NLRC5: variants seen among roughly 807,000 people sequenced by gnomAD.
NLRC5 encodes protein NLRC5.
In NLRC5, 114 loss-of-function variants were observed where a neutral mutation model predicts 206.9. That is an observed-to-expected ratio of 0.55 (90% confidence interval 0.47 to 0.64). NLRC5 has a LOEUF of 0.64. Among genes scored for constraint, NLRC5 ranks in the 30% least tolerant of loss-of-function variants. The probability of loss-of-function intolerance (pLI) is 0.00; values close to 1 mark genes in which losing one functional copy is unlikely to be tolerated. For missense variants in NLRC5, 2,008 were observed against 2,305.5 expected, an observed-to-expected ratio of 0.87 and a Z score of 2.64; for synonymous variants, 952 against 962.8, an observed-to-expected ratio of 0.99 and a Z score of 0.21.
Position 57,020,902 on chromosome 16 carries a change from C to T in NLRC5, c.190C>T (p.Gln64Ter). 6.2e-7 allele frequency: 1 copy of T among 1,613,966 alleles called. No individual in the cohort carries two copies. Residue 64 changes from glutamine (Q) to a stop codon, truncating the protein, a stop_gained, in exon 3 of 49, where the codon CAG (glutamine) becomes TAG (stop). Transcript: ENST00000688547. LOFTEE classifies it high-confidence loss of function. ...VILQLNKLHV[Q>*]GSDTWQSFIH... ...CCTGCAACTCAACAAGCTGCATGTC[C>T]AGGGTTCGGACACCTGGCAGTCTTT...
chr16:57,059,195 C>G, intron 29 of NLRC5, 134 bp downstream of exon 29: 1 of 1,558,676 alleles, frequency 6.4e-7, no homozygotes, highest in Non-Finnish European at 8.7e-7. Context: ...CTGCCTTTCT[C>G]TGAATCTCAG....
Position 57,081,005 on chromosome 16 carries a change from G to T in NLRC5, c.5322-93G>T. 5 of 1,162,800 alleles carry T rather than the reference G, an allele frequency of 4.3e-6. No homozygotes were observed. The South Asian group carries it at 6.8e-5, about 16-fold the overall frequency. The allele number at this position is 1,162,800 out of a possible 1,614,324, so 72.0% of individuals were successfully genotyped here. A position where few individuals can be genotyped will look rare whatever the true frequency, so the allele number is the denominator to read the frequency against. ...CTCTCTTGAAAACCCTTGCCCCCACGACTGGCACCCTGCTTTCCCCATTCA... is the reference window on the plus strand; with the variant it reads ...CTCTCTTGAAAACCCTTGCCCCCACTACTGGCACCCTGCTTTCCCCATTCA... On this transcript the variant is annotated intron_variant, in intron 46 of 48. Transcript: ENST00000688547.
At chr16:57,030,174 G>A in intron 10 of NLRC5, 90 bp downstream of exon 10, 2 of 1,082,760 alleles carry the variant, frequency 1.8e-6, no homozygotes, top group South Asian at 2.6e-5. Context: ...CCCCTCGTCT[G>A]CAGGATAAAT....
chr16:57,074,474 C>T (rs1370638185), intron 38 of NLRC5, 126 bp from the exon 39 acceptor site: 3 of 763,426 alleles, frequency 3.9e-6, no homozygotes, highest in South Asian at 3.0e-5. Flanking sequence ...AGAATTTTTA[C>T]ACTGTGTGGA....
chr16:57,029,298 G>A (rs531383466), intron 8 of NLRC5, among the ~76,000 whole-genome samples: 1 of 152,310 alleles, frequency 6.6e-6, no homozygotes, highest in Admixed American at 6.5e-5. Flanking sequence ...CCCAGGCAAG[G>A]CTGGCTTGTG....
chr16:57,020,856 G>A lies in NLRC5; in HGVS notation c.144G>A (p.Leu48=). 1 of 1,613,690 alleles carries A rather than the reference G, an allele frequency of 6.2e-7. No homozygotes were observed. The highest frequency in any genetic ancestry group is 1.3e-5 in the African/African-American group (1 of 74,886). Residue 48 remains leucine (L), a synonymous_variant, in exon 3 of 49, where the codon TTG becomes TTA. Coordinates refer to ENST00000688547, the MANE Select transcript of NLRC5 (RefSeq NM_001384950.1). ...NTDLDSRNET[L]DPEQRVILQL... ...ACCTGGATTCCAGGAACGAGACCTT[G>A]GACCCTGAACAGAGAGTCATCCTGC...
intron 27 of NLRC5, among the ~76,000 whole-genome samples, chr16:57,057,285 A>G (rs2065798786): frequency 2.0e-5 from 3 of 152,308 alleles, no homozygotes; most frequent in Non-Finnish European, 2.9e-5. Flanking sequence ...TTAGCCAGGC[A>G]TAGTGGCACA....
intron 11 of NLRC5, among the ~76,000 whole-genome samples, chr16:57,031,865 G>A (rs1174317559): frequency 1.3e-5 from 2 of 151,614 alleles, no homozygotes; most frequent in African/African-American, 4.9e-5. Context: ...CACTTAAGGA[G>A]TTTAGAGCAC....
chr16:57,015,115 G>A (rs890795684), intron 1 of NLRC5, among the ~76,000 whole-genome samples: 1 of 152,098 alleles, frequency 6.6e-6, no homozygotes, highest in African/African-American at 2.4e-5. Context: ...TTTTATTAGA[G>A]ATGGGGTTTC....
chr16:57,046,538 G>A lies in NLRC5; in HGVS notation c.3249-14G>A. The A allele has an allele frequency of 6.2e-7, 1 of 1,610,392 alleles. No individual in the cohort carries two copies. Among genetic ancestry groups the A allele is most frequent in the Middle Eastern group, 1.7e-4 (1 of 6,040 alleles). ...GTGATCTGAACTTTCCTTTCTAAATGATCCCCCTCCTAGGGATATGTGGGC... is the reference window on the plus strand; with the variant it reads ...GTGATCTGAACTTTCCTTTCTAAATAATCCCCCTCCTAGGGATATGTGGGC... On this transcript the variant is annotated splice_polypyrimidine_tract_variant and intron_variant, in intron 21 of 48. Transcript: ENST00000688547.
intron 17 of NLRC5, 187 bp from the exon 18 acceptor site, chr16:57,041,298 T>C (rs553305816): frequency 1.9e-4 from 108 of 577,006 alleles, no homozygotes; most frequent in Non-Finnish European, 3.1e-4. Context: ...TCTGCCTATA[T>C]GTGACATCCT....
At chr16:57,061,348 T>C (rs1456376019) in intron 30 of NLRC5, 100 bp from the exon 31 acceptor site, 2 of 1,171,810 alleles carry the variant, frequency 1.7e-6, no homozygotes, top group Non-Finnish European at 2.4e-6. Flanking sequence ...CCCTCAGAGG[T>C]GGGATGCTCC....
chr16:57,005,348 T>G (rs2058768810), intron 1 of NLRC5, among the ~76,000 whole-genome samples: 1 of 152,144 alleles, frequency 6.6e-6, no homozygotes, highest in Non-Finnish European at 1.5e-5. Context: ...CTTTGATGGC[T>G]ACCTCAAATC....
intron 32 of NLRC5, chr16:57,062,135 C>T: frequency 1.1e-6 from 1 of 933,306 alleles, no homozygotes. Flanking sequence ...TTTATATTTG[C>T]TTCTATTTTT....
intron 1 of NLRC5, among the ~76,000 whole-genome samples, chr16:57,007,184 C>G (rs1373832186): frequency 1.3e-5 from 2 of 152,178 alleles, no homozygotes; most frequent in Non-Finnish European, 2.9e-5. Context: ...ACAAGCCTGT[C>G]GTCAGTTTCC....
chr16:57,034,627 T>C (rs746891656), intron 13 of NLRC5: 68 of 174,488 alleles, frequency 3.9e-4, no homozygotes, highest in South Asian at 1.6e-3. Flanking sequence ...TCATAACCAC[T>C]GCTACCTCTC....
At chr16:57,043,898 A>AT (rs5817086) in intron 20 of NLRC5, 241 of 400,420 alleles carry the variant, frequency 6.0e-4, no homozygotes, top group Middle Eastern at 3.4e-3. Flanking sequence ...TTTTTTTAGG[A>AT]TTTTTTTTTT....
chr16:57,070,498 G>A (rs1215329650), intron 37 of NLRC5, 37 bp from the exon 38 acceptor site: 20 of 1,587,786 alleles, frequency 1.3e-5, no homozygotes, highest in Non-Finnish European at 1.6e-5. Flanking sequence ...GGCTGGGCAG[G>A]CTGCGCTAAC....
chr16:57,045,491 A>T lies in NLRC5; in HGVS notation c.3247A>T (p.Arg1083Trp), dbSNP rs748316309. The change falls in exon 21 of 49, where the codon AGG (arginine) becomes TGG (tryptophan). Residue 1083 changes from arginine to tryptophan, a missense_variant and splice_region_variant. Coordinates refer to ENST00000688547, the MANE Select transcript of NLRC5 (RefSeq NM_001384950.1). ...CCTCCTGAGAGGGGACAAGACAAGC[A>T]GGTGAGGAGGGAACGCTCGGGGTGG... Reference protein sequence around the residue: ...HILLRGDKTSRDMWATGSLPD... With the variant: ...HILLRGDKTSWDMWATGSLPD... 1 of 1,613,982 alleles carries T rather than the reference A, an allele frequency of 6.2e-7. No homozygotes were observed. The highest frequency in any genetic ancestry group is 8.5e-7 in the Non-Finnish European group (1 of 1,179,968).
Sources: allele counts gnomAD v4.1 joint callset (sites outside exome capture counted in the v4.1 genomes callset), GRCh38; gene constraint gnomAD v4.1.1; transcripts MANE v1.5; gene names NCBI Gene and HGNC (gene_info 2026-07-23, HGNC 2026-07-21).